GREB1L: variants seen among roughly 807,000 people sequenced by gnomAD.
GREB1L encodes GREB1-like protein.
In GREB1L, 17 loss-of-function variants were observed where a neutral mutation model predicts 200.8. The ratio of observed to expected loss-of-function variants is 0.08; its 90% CI spans 0.06 to 0.13. The LOEUF is 0.13. Among genes scored for constraint, GREB1L ranks in the 10% least tolerant of loss-of-function variants. The pLI is 1.00. For missense variants in GREB1L, 1,657 were observed against 2,367.7 expected, an observed-to-expected ratio of 0.70 and a Z score of 6.23; for synonymous variants, 789 against 893.0, an observed-to-expected ratio of 0.88 and a Z score of 2.08.
chr18:21,492,277 C>T (rs1388922111), intron 19 of GREB1L, among the ~76,000 whole-genome samples: 5 of 151,596 alleles, frequency 3.3e-5, no homozygotes, highest in African/African-American at 9.7e-5. Flanking sequence ...ACCCGGGAGG[C>T]GGAGCTTGTA....
chr18:21,250,650 A>G (rs2037687441), intron 1 of GREB1L, among the ~76,000 whole-genome samples: 1 of 152,210 alleles, frequency 6.6e-6, no homozygotes, highest in Admixed American at 6.5e-5. Flanking sequence ...TTTTAAACCA[A>G]TTTAAATGGA....
At chr18:21,407,375 T>G (rs935382866) in intron 7 of GREB1L, among the ~76,000 whole-genome samples, 2 of 152,204 alleles carry the variant, frequency 1.3e-5, no homozygotes, top group Non-Finnish European at 2.9e-5. Flanking sequence ...TCTTGAAAAT[T>G]TCCAAGTATT....
At position 21,426,969 on chromosome 18, in the gene GREB1L, A is replaced by AC. The variant is rs1296412742; in HGVS notation, c.833-12552_833-12551insC. On this transcript the variant is annotated intron_variant, in intron 7 of 32. Transcript: ENST00000424526. ...GCGAGACTACGTCTCAAAAAAAAAA[A>AC]AAACAAAAAAAAAAAAAACAAAAAA... is the stretch of plus-strand genomic sequence containing the variant. 3.1e-3 allele frequency among the ~76,000 whole-genome samples: 249 copies of AC among 81,192 alleles called. 2 individuals carry two copies. The Middle Eastern group carries it at 0.038, about 12-fold the overall frequency. The allele number at this position is 81,192 out of a possible 152,430, so 53.3% of individuals were successfully genotyped here.
intron 4 of GREB1L, among the ~76,000 whole-genome samples, 161 bp from the exon 5 acceptor site, chr18:21,395,224 C>G (rs1487398507): frequency 1.3e-5 from 2 of 151,680 alleles, no homozygotes; most frequent in African/African-American, 2.4e-5. Context: ...GAGGGCCACA[C>G]TTGGCAGATT....
At chr18:21,300,144 G>A (rs1163695969) in intron 1 of GREB1L, among the ~76,000 whole-genome samples, 1 of 152,148 alleles carries the variant, frequency 6.6e-6, no homozygotes, top group Admixed American at 6.5e-5. Context: ...GCCTACGGAG[G>A]TCATAAAAAT....
rs187634514 is a variant in GREB1L at position 21,450,762 on chromosome 18, G to A, written c.1721-261G>A. 1.6e-3 allele frequency: 505 copies of A among 313,416 alleles called. 2 individuals are homozygous for A. Among genetic ancestry groups the A allele is most frequent in the African/African-American group, 0.01 (465 of 46,292 alleles). 19.4% of individuals were successfully genotyped at this position (313,416 alleles called of 1,614,324 possible). ...CCTTCCTTAGTCATTAAACACAAACGTGCATATTTTCAGTTACATAAGGTA... is the reference window on the plus strand; with the variant it reads ...CCTTCCTTAGTCATTAAACACAAACATGCATATTTTCAGTTACATAAGGTA... On this transcript the variant is annotated intron_variant, in intron 12 of 32. Transcript: ENST00000424526.
Position 21,383,523 on chromosome 18 carries a change from G to GTGGTCTCC in GREB1L, c.5_6insTGGTCTCC (p.Asn3GlyfsTer10). The GTGGTCTCC allele has an allele frequency of 7.3e-7, 1 of 1,361,746 alleles. No individual in the cohort carries two copies. The highest frequency in any genetic ancestry group is 1.8e-5 in the South Asian group (1 of 55,558). 84.4% of individuals were successfully genotyped at this position (1,361,746 alleles called of 1,614,324 possible). On this transcript the variant is annotated frameshift_variant, in exon 3 of 33. Transcript: ENST00000424526. LOFTEE classifies it high-confidence loss of function. ...GGGGATGGGTAGGTGTAGATCATGG[G>GTGGTCTCC]GAATTCATATGCTGGGCAACTGAAA...
chr18:21,249,516 C>G (rs1483510477), intron 1 of GREB1L, among the ~76,000 whole-genome samples: 1 of 152,112 alleles, frequency 6.6e-6, no homozygotes, highest in Non-Finnish European at 1.5e-5. Context: ...TGACCTCTGT[C>G]CAGGTACTGT....
chr18:21,443,255 T>C (rs1272081557), intron 10 of GREB1L, among the ~76,000 whole-genome samples: 1 of 151,586 alleles, frequency 6.6e-6, no homozygotes, highest in African/African-American at 2.4e-5. Flanking sequence ...CAGGCGGGAG[T>C]GCAGTGGCGC....
chr18:21,387,510 T>TA (rs1357157072), intron 4 of GREB1L: 13 of 152,258 alleles, frequency 8.5e-5, no homozygotes, highest in Admixed American at 2.0e-4. Flanking sequence ...ATCACTAACT[T>TA]ACGTTTCTTT....
chr18:21,378,422 G>C (rs1279844313), intron 2 of GREB1L, among the ~76,000 whole-genome samples: 1 of 151,966 alleles, frequency 6.6e-6, no homozygotes, highest in Non-Finnish European at 1.5e-5. Flanking sequence ...GAGTCTTGCT[G>C]TGTTGCCCAG....
chr18:21,420,476 A>G (rs1264461368), intron 7 of GREB1L, among the ~76,000 whole-genome samples: 1 of 152,220 alleles, frequency 6.6e-6, no homozygotes, highest in Non-Finnish European at 1.5e-5. Context: ...AAATTGAAAA[A>G]TAAGAAAATA....
rs74979461 is a variant in GREB1L at position 21,489,441 on chromosome 18, C to G, written c.2691-571C>G. Among the ~76,000 whole-genome samples, 1,164 of 152,286 alleles carry G rather than the reference C, an allele frequency of 7.6e-3. 14 individuals are homozygous for G. The highest frequency in any genetic ancestry group is 0.026 in the African/African-American group (1,092 of 41,558). On this transcript the variant is annotated intron_variant, in intron 18 of 32. Coordinates refer to ENST00000424526, the MANE Select transcript of GREB1L (RefSeq NM_001142966.3). ...GTAGTAATAATTACCCTTTTTATGTCTAATACTCGACAGATATTACATTAA... is the reference window on the plus strand; with the variant it reads ...GTAGTAATAATTACCCTTTTTATGTGTAATACTCGACAGATATTACATTAA...
intron 1 of GREB1L, among the ~76,000 whole-genome samples, chr18:21,271,144 C>T (rs2038072000): frequency 6.6e-6 from 1 of 152,152 alleles, no homozygotes; most frequent in African/African-American, 2.4e-5. Flanking sequence ...TGAAGTGTGA[C>T]TGTTATTTAA....
chr18:21,362,045 TAA>T (rs1345417199), intron 1 of GREB1L, among the ~76,000 whole-genome samples: 2 of 152,186 alleles, frequency 1.3e-5, no homozygotes, highest in African/African-American at 4.8e-5. Context: ...GTATTTTATA[TAA>T]GTGTTCTATA....
At chr18:21,392,458 A>G (rs894596950) in intron 4 of GREB1L, among the ~76,000 whole-genome samples, 1 of 152,212 alleles carries the variant, frequency 6.6e-6, no homozygotes, top group Non-Finnish European at 1.5e-5. Flanking sequence ...ATAAATATAA[A>G]TGATATTTTG....
chr18:21,448,641 A>C (rs2034362440), intron 11 of GREB1L, among the ~76,000 whole-genome samples: 1 of 152,216 alleles, frequency 6.6e-6, no homozygotes, highest in African/African-American at 2.4e-5. Context: ...TGAGTTTCAA[A>C]TATTGGGTTC....
At chr18:21,394,346 T>C (rs1188698647) in intron 4 of GREB1L, among the ~76,000 whole-genome samples, 1 of 152,174 alleles carries the variant, frequency 6.6e-6, no homozygotes, top group Non-Finnish European at 1.5e-5. Flanking sequence ...CCCCAGAAGA[T>C]TTGCAGCAGA....
At chr18:21,288,789 ATGCAATGG>A (rs2070720857) in intron 1 of GREB1L, among the ~76,000 whole-genome samples, 1 of 151,496 alleles carries the variant, frequency 6.6e-6, no homozygotes, top group African/African-American at 2.4e-5. Context: ...CCAGGTTGGA[ATGCAATGG>A]TGCGATTTCG....
Sources: allele counts gnomAD v4.1 joint callset (sites outside exome capture counted in the v4.1 genomes callset), GRCh38; gene constraint gnomAD v4.1.1; transcripts MANE v1.5; gene names NCBI Gene and HGNC (gene_info 2026-07-23, HGNC 2026-07-21).